Variants in PODXL2 observed in about 807,000 individuals in gnomAD.
The protein encoded by PODXL2 is podocalyxin-like protein 2.
Under a neutral mutation model 53.4 loss-of-function variants are expected in PODXL2, and 17 were observed. The observed-to-expected ratio is 0.32, with a 90% CI of 0.22 to 0.48. The LOEUF (loss-of-function observed/expected upper bound fraction) is 0.48, where lower values mean the gene tolerates loss of function less well. Among genes scored for constraint, PODXL2 ranks in the 20% least tolerant of loss-of-function variants. PODXL2 has a pLI of 0.99. For missense variants in PODXL2, 673 were observed against 760.0 expected, an observed-to-expected ratio of 0.89 and a Z score of 1.35; for synonymous variants, 311 against 306.7, an observed-to-expected ratio of 1.01 and a Z score of -0.15.
intron 1 of PODXL2, among the ~76,000 whole-genome samples, chr3:127,631,308 G>C (rs1016494781): frequency 3.9e-5 from 6 of 152,194 alleles, no homozygotes; most frequent in African/African-American, 1.4e-4. Flanking sequence ...GAGAGGTGGG[G>C]TGTAGCTGAT....
At chr3:127,665,559 G>T (rs2074791367) in intron 4 of PODXL2, among the ~76,000 whole-genome samples, 1 of 152,240 alleles carries the variant, frequency 6.6e-6, no homozygotes, top group African/African-American at 2.4e-5. Context: ...CAGAGGTGGT[G>T]TTTTTGAGTT....
At chr3:127,668,670 A>G (rs1427824003) in intron 5 of PODXL2, 73 bp downstream of exon 5, 1 of 1,355,482 alleles carries the variant, frequency 7.4e-7, no homozygotes, top group Non-Finnish European at 9.7e-7. Context: ...GTCACGGGAA[A>G]AAAGTGCACG....
At chr3:127,654,602 AT>A (rs2074709895) in intron 2 of PODXL2, among the ~76,000 whole-genome samples, 1 of 152,182 alleles carries the variant, frequency 6.6e-6, no homozygotes, top group South Asian at 2.1e-4. Flanking sequence ...CAGATGAGTA[AT>A]CCCCTCCTGC....
At chr3:127,654,104 G>A (rs750790730) in intron 2 of PODXL2, among the ~76,000 whole-genome samples, 5 of 152,118 alleles carry the variant, frequency 3.3e-5, no homozygotes, top group Non-Finnish European at 7.3e-5. Context: ...TCCACTATCC[G>A]GTCCAGAATC....
At chr3:127,670,957 C>A (rs1436471306) in intron 6 of PODXL2, among the ~76,000 whole-genome samples, 1 of 152,228 alleles carries the variant, frequency 6.6e-6, no homozygotes, top group Non-Finnish European at 1.5e-5. Flanking sequence ...CCTCAGTATC[C>A]CTCCCTGCAC....
At chr3:127,651,728 T>C (rs1387124575) in intron 2 of PODXL2, among the ~76,000 whole-genome samples, 1 of 152,200 alleles carries the variant, frequency 6.6e-6, no homozygotes, top group Non-Finnish European at 1.5e-5. Flanking sequence ...GTGTGGATGC[T>C]GAGAGGAGCA....
intron 4 of PODXL2, 69 bp from the exon 5 acceptor site, chr3:127,668,372 C>T: frequency 7.3e-7 from 1 of 1,366,262 alleles, no homozygotes; most frequent in Non-Finnish European, 9.6e-7. Flanking sequence ...GGGGCTGGGC[C>T]TAGAGGCAGA....
Position 127,662,317 on chromosome 3 carries a change from T to TGCCC in PODXL2, c.1206+7_1206+10dup. On this transcript the variant is annotated splice_region_variant and intron_variant, in intron 4 of 7. Coordinates refer to ENST00000342480, the MANE Select transcript of PODXL2 (RefSeq NM_015720.4). ...TGACAGAGAACATAGACTGTGTGAGTGCCCAGCCAGGCTCCGAACCGCAGG... is the reference window on the plus strand; with the variant it reads ...TGACAGAGAACATAGACTGTGTGAGTGCCCGCCCAGCCAGGCTCCGAACCGCAGG... 1 of 1,612,060 alleles carries TGCCC rather than the reference T, an allele frequency of 6.2e-7. No homozygotes were observed. Among genetic ancestry groups the TGCCC allele is most frequent in the Non-Finnish European group, 8.5e-7 (1 of 1,178,798 alleles).
intron 1 of PODXL2, among the ~76,000 whole-genome samples, chr3:127,636,917 G>A (rs534930311): frequency 2.0e-5 from 3 of 152,098 alleles, no homozygotes; most frequent in South Asian, 2.1e-4. Context: ...TCTGCCTCCC[G>A]GGTTCAAGCA....
At chr3:127,657,528 G>C (rs959707649) in intron 2 of PODXL2, among the ~76,000 whole-genome samples, 5 of 152,168 alleles carry the variant, frequency 3.3e-5, no homozygotes, top group African/African-American at 4.8e-5. Context: ...TCTTGAGTCT[G>C]CTCTTTTCTC....
At chr3:127,654,926 A>G (rs1393624020) in intron 2 of PODXL2, among the ~76,000 whole-genome samples, 1 of 152,088 alleles carries the variant, frequency 6.6e-6, no homozygotes, top group Non-Finnish European at 1.5e-5. Flanking sequence ...CGTCTCTACT[A>G]AAAATACAAA....
At position 127,662,218 on chromosome 3, in the gene PODXL2, T is replaced by C; in HGVS notation, c.1132-19T>C. The stretch of plus-strand genomic sequence containing the variant: ...TATGCCTTCGTAACTGTCGCCCTTC[T>C]TTCTGTCTCCTCGCACAGGTGATCT... On this transcript the variant is annotated intron_variant, in intron 3 of 7. Transcript: ENST00000342480. 4 of 1,611,108 alleles carry C rather than the reference T, an allele frequency of 2.5e-6. No homozygotes were observed. The highest frequency in any genetic ancestry group is 3.4e-6 in the Non-Finnish European group (4 of 1,177,274).
At position 127,660,162 on chromosome 3, in the gene PODXL2, G is replaced by A. The variant is rs78422678; in HGVS notation, c.350-216G>A. ...ACATTCCTGTGTTCATTGAGTTTTG[G>A]TGATAAATTTGTATTATTTTATCAT... is the stretch of plus-strand genomic sequence containing the variant. On this transcript the variant is annotated intron_variant, in intron 2 of 7. Transcript: ENST00000342480. Among the ~76,000 whole-genome samples the A allele has an allele frequency of 0.018, 2,696 of 152,202 alleles. 218 individuals carry two copies. The East Asian group carries it at 0.27, about 15-fold the overall frequency.
chr3:127,667,228 C>T (rs76119230), intron 4 of PODXL2, among the ~76,000 whole-genome samples: 15 of 152,402 alleles, frequency 9.8e-5, no homozygotes, highest in Non-Finnish European at 1.9e-4. Flanking sequence ...ATTTCAATCC[C>T]TCTGGTAGCC....
intron 5 of PODXL2, 116 bp from the exon 6 acceptor site, chr3:127,669,025 G>C (rs781087219): frequency 3.0e-5 from 19 of 640,582 alleles, no homozygotes; most frequent in Middle Eastern, 3.8e-4. Context: ...TGTGCAATTT[G>C]AGCCAGGAAG....
At chr3:127,670,882 G>A (rs2074827728) in intron 6 of PODXL2, among the ~76,000 whole-genome samples, 1 of 152,248 alleles carries the variant, frequency 6.6e-6, no homozygotes, top group Non-Finnish European at 1.5e-5. Flanking sequence ...CATGCCAGCA[G>A]TGAACACGCC....
At chr3:127,640,706 AAAAAT>A (rs1183941992) in intron 2 of PODXL2, among the ~76,000 whole-genome samples, 1 of 151,758 alleles carries the variant, frequency 6.6e-6, no homozygotes, top group African/African-American at 2.4e-5. Context: ...TATCTCAAAA[AAAAAT>A]AAAATAAAAT....
Position 127,669,126 on chromosome 3 carries a change from T to A in PODXL2, c.1364-15T>A. 6.3e-7 allele frequency: 1 copy of A among 1,590,490 alleles called. No individual in the cohort carries two copies. ...AGCCATGGTCACACTGATAGTGGTG[T>A]TTCTTACCCCCCAGGGGTGGTGCCC... On this transcript the variant is annotated splice_polypyrimidine_tract_variant and intron_variant, in intron 5 of 7. Transcript: ENST00000342480.
intron 2 of PODXL2, among the ~76,000 whole-genome samples, chr3:127,657,846 C>T (rs2074734518): frequency 1.3e-5 from 2 of 152,202 alleles, no homozygotes; most frequent in African/African-American, 4.8e-5. Context: ...TTCTTACTTA[C>T]ATTGAGGTAA....
Sources: gnomAD v4.1 joint callset for allele counts (sites outside exome capture counted in the v4.1 genomes callset) on GRCh38, gnomAD v4.1.1 for gene constraint, MANE v1.5 for transcripts, NCBI Gene and HGNC (gene_info 2026-07-23, HGNC 2026-07-21) for gene names.